NEMP2: variants seen among roughly 807,000 people sequenced by gnomAD.
NEMP2 encodes UPF0571 transmembrane protein.
NEMP2 carries 53 observed loss-of-function variants against 54.2 expected under a neutral mutation model. That is an observed-to-expected ratio of 0.98 (90% CI 0.78 to 1.23). The LOEUF is 1.23. Ranked by LOEUF, NEMP2 falls within the 50% of genes most tolerant of loss-of-function variation. NEMP2 has a pLI of 0.00. For synonymous variants in NEMP2, 197 were observed against 190.3 expected (o/e 1.04, Z -0.29); for missense variants, 455 against 511.3 (o/e 0.89, Z 1.06).
downstream of NEMP2, chr2:190,502,163 A>G (rs1232944725): frequency 1.3e-5 from 2 of 152,266 alleles, no homozygotes; most frequent in East Asian, 3.8e-4. The surrounding 1 kb of genome is among the most constrained non-coding windows in gnomAD (Gnocchi z 4.4). Flanking sequence ...TTTGTTATGG[A>G]ACATTTACTG....
the NEMP2 span, among the ~76,000 whole-genome samples, chr2:190,630,810 C>A: frequency 1.3e-5 from 2 of 151,874 alleles, no homozygotes; most frequent in African/African-American, 4.8e-5. This position sits in a 1 kb window ranked among gnomAD's most constrained non-coding sequence, Gnocchi z 5.5. Context: ...ACCTTTTGAA[C>A]TAGTAACAGA....
At chr2:190,600,157 T>C in the NEMP2 span, among the ~76,000 whole-genome samples, 3 of 152,156 alleles carry the variant, frequency 2.0e-5, no homozygotes, top group African/African-American at 7.2e-5. The surrounding 1 kb of genome is among the most constrained non-coding windows in gnomAD (Gnocchi z 4.9). Flanking sequence ...ATCTTAGCAG[T>C]GGTATTTTAC....
chr2:190,571,232 T>A, the NEMP2 span, among the ~76,000 whole-genome samples: 1 of 152,194 alleles, frequency 6.6e-6, no homozygotes, highest in Admixed American at 6.5e-5. Flanking sequence ...TACTAATACA[T>A]CTTTCTCTTG....
chr2:190,638,082 G>C, the NEMP2 span, among the ~76,000 whole-genome samples: 2 of 152,166 alleles, frequency 1.3e-5, no homozygotes, highest in African/African-American at 4.8e-5. The surrounding 1 kb of genome is among the most constrained non-coding windows in gnomAD (Gnocchi z 5.7). Flanking sequence ...GGGAGCTAGT[G>C]ATGTTGTCTG....
the NEMP2 span, chr2:190,609,430 G>T: frequency 2.6e-5 from 4 of 152,016 alleles, no homozygotes; most frequent in African/African-American, 9.7e-5. The surrounding 1 kb of genome is among the most constrained non-coding windows in gnomAD (Gnocchi z 4.7). Flanking sequence ...GTTTGTGGAG[G>T]CCCGAGGAGT....
At chr2:190,631,121 C>T in the NEMP2 span, among the ~76,000 whole-genome samples, 1 of 152,128 alleles carries the variant, frequency 6.6e-6, no homozygotes, top group African/African-American at 2.4e-5. Context: ...CTACAAAAAT[C>T]TCAAGAATTG....
At chr2:190,564,554 C>A in the NEMP2 span, among the ~76,000 whole-genome samples, 1 of 152,196 alleles carries the variant, frequency 6.6e-6, no homozygotes, top group Non-Finnish European at 1.5e-5. This position sits in a 1 kb window ranked among gnomAD's most constrained non-coding sequence, Gnocchi z 4.2. Context: ...CATATTTAAT[C>A]TTAAAGCTCT....
the NEMP2 span, among the ~76,000 whole-genome samples, chr2:190,491,475 C>T: frequency 6.6e-6 from 1 of 152,186 alleles, no homozygotes; most frequent in African/African-American, 2.4e-5. The surrounding 1 kb of genome is among the most constrained non-coding windows in gnomAD (Gnocchi z 4.2). Context: ...AGATGGTTCA[C>T]ATCACAGGAC....
the NEMP2 span, among the ~76,000 whole-genome samples, chr2:190,638,448 G>T: frequency 3.3e-4 from 50 of 152,168 alleles, no homozygotes; most frequent in Admixed American, 7.9e-4. The surrounding 1 kb of genome is among the most constrained non-coding windows in gnomAD (Gnocchi z 5.7). Flanking sequence ...AGAGGATCTG[G>T]ACAGAAGCAT....
At chr2:190,641,447 T>C in the NEMP2 span, 104 of 152,394 alleles carry the variant, frequency 6.8e-4, no homozygotes, top group Non-Finnish European at 1.2e-3. Context: ...CTGGGTCCTT[T>C]GGCTGCAGTG....
At position 190,534,540 on chromosome 2, in the gene NEMP2, G is replaced by GCCA; in HGVS notation, c.97+18_97+19insTGG. 7.2e-7 allele frequency: 1 copy of GCCA among 1,388,210 alleles called. No homozygotes were observed. Among genetic ancestry groups the GCCA allele is most frequent in the South Asian group, 1.6e-5 (1 of 62,520 alleles). 86.0% of individuals were successfully genotyped at this position (1,388,210 alleles called of 1,614,324 possible). On this transcript the variant is annotated intron_variant, in intron 1 of 8. Transcript: ENST00000409150. ...AGCGAGCACGCACGCGCGCGCCGCC[G>GCCA]CCGCCGGTCCCGGGTTACCTGATAA... is the stretch of plus-strand genomic sequence containing the variant.
chr2:190,469,172 ATTGAACTGATAGGAGAAACTAT>A, the NEMP2 span, among the ~76,000 whole-genome samples: 1 of 152,240 alleles, frequency 6.6e-6, no homozygotes, highest in Non-Finnish European at 1.5e-5. The surrounding 1 kb of genome is among the most constrained non-coding windows in gnomAD (Gnocchi z 5.3). Flanking sequence ...ACATGTATCC[ATTGAACTGATAGGAGAAACTAT>A]TTGATTTCCA....
chr2:190,605,376 TA>T, the NEMP2 span, among the ~76,000 whole-genome samples: 4 of 151,844 alleles, frequency 2.6e-5, no homozygotes, highest in East Asian at 7.7e-4. Context: ...TTTATTTATT[TA>T]TTTATTTTTT....
chr2:190,642,965 C>T, the NEMP2 span, among the ~76,000 whole-genome samples: 1 of 131,572 alleles, frequency 7.6e-6, no homozygotes, highest in African/African-American at 2.8e-5. This position sits in a 1 kb window ranked among gnomAD's most constrained non-coding sequence, Gnocchi z 4.1. Flanking sequence ...CAACTTCTTA[C>T]ATTTTTTTTT....
At chr2:190,442,493 C>G in the NEMP2 span, 106,822 of 151,822 alleles carry the variant, frequency 0.7, 38,499 homozygotes, top group Admixed American at 0.79. Context: ...TGTTGCTATG[C>G]AGGGTAACTT....
the NEMP2 span, among the ~76,000 whole-genome samples, chr2:190,483,680 C>G: frequency 6.6e-6 from 1 of 151,736 alleles, no homozygotes; most frequent in African/African-American, 2.4e-5. Context: ...ACTAAGGGTA[C>G]GAAAATTAGC....
the NEMP2 span, among the ~76,000 whole-genome samples, chr2:190,557,520 A>G: frequency 2.0e-5 from 3 of 152,344 alleles, no homozygotes; most frequent in Admixed American, 2.0e-4. Context: ...AGAAACTATC[A>G]TCAGAGTGAA....
chr2:190,556,987 T>G, the NEMP2 span, among the ~76,000 whole-genome samples: 1 of 152,164 alleles, frequency 6.6e-6, no homozygotes, highest in African/African-American at 2.4e-5. Context: ...TTAAATTTCA[T>G]ATGGAACCAC....
chr2:190,500,320 G>T (rs1689967543), downstream of NEMP2: 5 of 1,181,932 alleles, frequency 4.2e-6, no homozygotes, highest in South Asian at 6.8e-5. The surrounding 1 kb of genome is among the most constrained non-coding windows in gnomAD (Gnocchi z 5.3). Flanking sequence ...GAGGAGCACA[G>T]CACTGCATAT....
Sources: allele counts gnomAD v4.1 joint callset (sites outside exome capture counted in the v4.1 genomes callset), GRCh38; gene constraint gnomAD v4.1.1; non-coding constraint Gnocchi (gnomAD v3.1); transcripts MANE v1.5; gene names NCBI Gene and HGNC (gene_info 2026-07-23, HGNC 2026-07-21).